SIGLEC7: variants seen among roughly 807,000 people sequenced by gnomAD.
The protein encoded by SIGLEC7 is sialic acid binding Ig like lectin 7.
A neutral mutation model predicts 40.8 loss-of-function variants in SIGLEC7; 33 were observed. The observed-to-expected ratio is 0.81, with a 90% CI of 0.61 to 1.08. The LOEUF is 1.08. Among genes scored for constraint, SIGLEC7 ranks in the 50% least tolerant of loss-of-function variants. The pLI is 0.00. For missense variants in SIGLEC7, 513 were observed against 576.1 expected (o/e 0.89, Z 1.12); for synonymous variants, 242 against 237.6 (o/e 1.02, Z -0.17).
intron 6 of SIGLEC7, among the ~76,000 whole-genome samples, chr19:51,151,314 C>T (rs2092141918): frequency 6.6e-6 from 1 of 152,146 alleles, no homozygotes; most frequent in African/African-American, 2.4e-5. Flanking sequence ...ATCATTGAGG[C>T]TGAGAAGATT....
chr19:51,145,045 C>G lies in SIGLEC7; in HGVS notation c.760+86C>G. On this transcript the variant is annotated intron_variant, in intron 3 of 6. Coordinates refer to ENST00000317643, the MANE Select transcript of SIGLEC7 (RefSeq NM_014385.4). This position sits in a 1 kb window ranked among gnomAD's most constrained non-coding sequence, Gnocchi z 4.3. ...AGGTCCCTCCTCATCCTGGACTCAC[C>G]CTGGTGATATGAGACTCCCTTGTAG... 2 of 1,335,852 alleles carry G rather than the reference C, an allele frequency of 1.5e-6. No homozygotes were observed. The highest frequency in any genetic ancestry group is 2.4e-5 in the South Asian group (2 of 85,100). 82.7% of individuals were successfully genotyped at this position (1,335,852 alleles called of 1,614,324 possible).
At chr19:51,152,084 C>G (rs1191970466) in intron 6 of SIGLEC7, among the ~76,000 whole-genome samples, 1 of 152,142 alleles carries the variant, frequency 6.6e-6, no homozygotes, top group Non-Finnish European at 1.5e-5. Flanking sequence ...GTCACTGGGC[C>G]AAAATCAAGG....
intron 6 of SIGLEC7, 34 bp downstream of exon 6, chr19:51,147,351 C>A: frequency 6.4e-7 from 1 of 1,557,526 alleles, no homozygotes; most frequent in African/African-American, 1.4e-5. Context: ...ACCCAGCATC[C>A]AGCTGGGACA....
intron 2 of SIGLEC7, 82 bp downstream of exon 2, chr19:51,144,766 C>A: frequency 6.3e-7 from 1 of 1,580,678 alleles, no homozygotes; most frequent in Non-Finnish European, 8.6e-7. Context: ...GGGCTCGACA[C>A]TGGGTGCTGG....
chr19:51,146,248 C>G, intron 4 of SIGLEC7, 127 bp downstream of exon 4: 1 of 1,283,198 alleles, frequency 7.8e-7, no homozygotes, highest in Non-Finnish European at 1.1e-6. Flanking sequence ...TGGAACTTCC[C>G]TGCAACCCAG....
In SIGLEC7 at chr19:51,144,973, C is replaced by A. The variant is rs1265417014; in HGVS notation, c.760+14C>A. On this transcript the variant is annotated intron_variant, in intron 3 of 6. Coordinates refer to ENST00000317643, the MANE Select transcript of SIGLEC7 (RefSeq NM_014385.4). ...GAGAAGGCACAGGTAGGATGGAGCC[C>A]CCTCCCTGGGGCTGGGGGAGCAGGG... 6.2e-7 allele frequency: 1 copy of A among 1,613,456 alleles called. No homozygotes were observed. The highest frequency in any genetic ancestry group is 8.5e-7 in the Non-Finnish European group (1 of 1,179,568).
In SIGLEC7 at chr19:51,144,948, G is replaced by T; in HGVS notation, c.749G>T (p.Gly250Val). ...AACTTGACTGTGACTGTCTTCCAAG[G>T]AGAAGGCACAGGTAGGATGGAGCCC... is the stretch of plus-strand genomic sequence containing the variant. Reference protein sequence around the residue: ...PQNLTVTVFQGEGTASTALGN... With the variant: ...PQNLTVTVFQVEGTASTALGN... Residue 250 changes from glycine (G) to valine (V), a missense_variant, in exon 3 of 7, where the codon GGA becomes GTA. Transcript: ENST00000317643. 6.2e-7 allele frequency: 1 copy of T among 1,614,100 alleles called. No homozygotes were observed. Among genetic ancestry groups the T allele is most frequent in the Non-Finnish European group, 8.5e-7 (1 of 1,179,978 alleles).
At position 51,146,003 on chromosome 19, in the gene SIGLEC7, T is replaced by C. The variant is rs936021332; in HGVS notation, c.909T>C (p.Pro303=). The change falls in exon 4 of 7, where the codon CCT becomes CCC. Residue 303 remains proline, a synonymous_variant. Transcript: ENST00000317643. The part of the protein sequence containing the change: ...LTLYPSQPSN[P]LVLELQVHLG... ...TGTACCCCTCACAGCCCTCAAACCC[T>C]CTGGTACTGGAGCTGCAAGTGCACC... The C allele has an allele frequency of 1.2e-6, 2 of 1,614,072 alleles. No individual in the cohort carries two copies. Among genetic ancestry groups the C allele is most frequent in the East Asian group, 4.5e-5 (2 of 44,878 alleles).
chr19:51,145,620 T>C lies in SIGLEC7; in HGVS notation c.761-235T>C, dbSNP rs1291194341. Among the ~76,000 whole-genome samples the C allele has an allele frequency of 2.6e-5, 4 of 152,234 alleles. No homozygotes were observed. The highest frequency in any genetic ancestry group is 9.7e-5 in the African/African-American group (4 of 41,450). ...GGAATATCTAAGTGTATAGGATAAA[T>C]TCCTAAAAGCACATTTTACCAGTGT... On this transcript the variant is annotated intron_variant, in intron 3 of 6. Coordinates refer to ENST00000317643, the MANE Select transcript of SIGLEC7 (RefSeq NM_014385.4). The surrounding 1 kb of genome is among the most constrained non-coding windows in gnomAD (Gnocchi z 4.3).
chr19:51,143,046 T>TG (rs2092080637), intron 1 of SIGLEC7, among the ~76,000 whole-genome samples: 1 of 152,124 alleles, frequency 6.6e-6, no homozygotes. Flanking sequence ...GCTGGCATTG[T>TG]GGCATGTGGG....
intron 1 of SIGLEC7, chr19:51,144,179 A>G: frequency 1.3e-6 from 1 of 756,988 alleles, no homozygotes; most frequent in Non-Finnish European, 2.4e-6. Context: ...TTACAAAACG[A>G]AGCAGCTCTC....
intron 1 of SIGLEC7, chr19:51,144,082 C>T (rs1255484436): frequency 1.6e-6 from 1 of 639,102 alleles, no homozygotes; most frequent in Non-Finnish European, 3.0e-6. Flanking sequence ...TGAAGACCAA[C>T]AACTGCTCCC....
At position 51,142,911 on chromosome 19, in the gene SIGLEC7, G is replaced by C; in HGVS notation, c.433+109G>C. On this transcript the variant is annotated intron_variant, in intron 1 of 6. Coordinates refer to ENST00000317643, the MANE Select transcript of SIGLEC7 (RefSeq NM_014385.4). This position sits in a 1 kb window ranked among gnomAD's most constrained non-coding sequence, Gnocchi z 5.0. ...AGGGGGCCGGGGGTGATGGACTCAG[G>C]AGAGGAGCTGGACCAGAGCCTGAGC... 8.2e-7 allele frequency: 1 copy of C among 1,213,478 alleles called. No individual in the cohort carries two copies. Among genetic ancestry groups the C allele is most frequent in the Non-Finnish European group, 1.2e-6 (1 of 861,870 alleles). The allele number at this position is 1,213,478 out of a possible 1,614,324, so 75.2% of individuals were successfully genotyped here. A position where few individuals can be genotyped will look rare whatever the true frequency, so the allele number is the denominator to read the frequency against.
chr19:51,145,972 T>C lies in SIGLEC7; in HGVS notation c.878T>C (p.Leu293Pro). The C allele has an allele frequency of 6.2e-7, 1 of 1,614,244 alleles. No individual in the cohort carries two copies. Among genetic ancestry groups the C allele is most frequent in the Non-Finnish European group, 8.5e-7 (1 of 1,180,040 alleles). The change falls in exon 4 of 7, where the codon CTG (leucine) becomes CCG (proline). Residue 293 changes from leucine (L) to proline (P), a missense_variant. By Grantham distance (98) the Leu-to-Pro change is moderately conservative. Coordinates refer to ENST00000317643, the MANE Select transcript of SIGLEC7 (RefSeq NM_014385.4). This position sits in a 1 kb window ranked among gnomAD's most constrained non-coding sequence, Gnocchi z 4.3. ...AGGCTGAGCTGGACCTGGAGGAGTC[T>C]GACCCTGTACCCCTCACAGCCCTCA... ...PARLSWTWRS[L>P]TLYPSQPSNP...
chr19:51,142,632 A>G lies in SIGLEC7; in HGVS notation c.263A>G (p.Gln88Arg). The G allele has an allele frequency of 6.2e-7, 1 of 1,614,196 alleles. No individual in the cohort carries two copies. The highest frequency in any genetic ancestry group is 8.5e-7 in the Non-Finnish European group (1 of 1,180,026). ...ACAAACAACCCAGCTTGGGCAGTGC[A>G]GGAGGAAACTCGGGACCGATTCCAC... ...VATNNPAWAV[Q>R]EETRDRFHLL... The change falls in exon 1 of 7, where the codon CAG becomes CGG. Residue 88 changes from glutamine (Q) to arginine (R), a missense_variant. Coordinates refer to ENST00000317643, the MANE Select transcript of SIGLEC7 (RefSeq NM_014385.4). This position sits in a 1 kb window ranked among gnomAD's most constrained non-coding sequence, Gnocchi z 5.0.
In SIGLEC7 at chr19:51,145,730, T is replaced by C. The variant is rs118146209; in HGVS notation, c.761-125T>C. On this transcript the variant is annotated intron_variant, in intron 3 of 6. Transcript: ENST00000317643. The surrounding 1 kb of genome is among the most constrained non-coding windows in gnomAD (Gnocchi z 4.3). ...AGTTTACATTCCCAACAGTGAGCGGTGAACATAAGTATGTCCCTGCACCAG... is the reference window on the plus strand; with the variant it reads ...AGTTTACATTCCCAACAGTGAGCGGCGAACATAAGTATGTCCCTGCACCAG... 565 of 1,085,866 alleles carry C rather than the reference T, an allele frequency of 5.2e-4. 3 individuals carry two copies. In the East Asian group the frequency reaches 0.012, roughly 22 times the overall value. The allele number at this position is 1,085,866 out of a possible 1,614,324, so 67.3% of individuals were successfully genotyped here.
chr19:51,150,743 A>C (rs2092137971), intron 6 of SIGLEC7, among the ~76,000 whole-genome samples: 1 of 152,208 alleles, frequency 6.6e-6, no homozygotes, highest in Non-Finnish European at 1.5e-5. Context: ...GTGTGATTGA[A>C]GAGCCTTCCA....
In SIGLEC7 at chr19:51,143,623, C is replaced by A. The variant is rs61241824; in HGVS notation, c.434-783C>A. Among the ~76,000 whole-genome samples the A allele has an allele frequency of 5.6e-3, 849 of 152,210 alleles. 6 individuals are homozygous for A. Among genetic ancestry groups the A allele is most frequent in the African/African-American group, 0.02 (814 of 41,542 alleles). The stretch of plus-strand genomic sequence containing the variant: ...GCATGTGGGTTTGTAGTTTCTCTTT[C>A]GTGCTGGGTTGAGGTCTCCAGCTCC... On this transcript the variant is annotated intron_variant, in intron 1 of 6. Coordinates refer to ENST00000317643, the MANE Select transcript of SIGLEC7 (RefSeq NM_014385.4).
At chr19:51,150,495 T>A in intron 6 of SIGLEC7, among the ~76,000 whole-genome samples, 1 of 152,244 alleles carries the variant, frequency 6.6e-6, no homozygotes, top group East Asian at 1.9e-4. Context: ...TTGATCATAT[T>A]GGATTAACCT....
Sources: allele counts gnomAD v4.1 joint callset (sites outside exome capture counted in the v4.1 genomes callset), GRCh38; gene constraint gnomAD v4.1.1; non-coding constraint Gnocchi (gnomAD v3.1); transcripts MANE v1.5; gene names NCBI Gene and HGNC (gene_info 2026-07-23, HGNC 2026-07-21).